Variants in CPNE4 observed in about 807,000 individuals in gnomAD.
The protein encoded by CPNE4 is copine-4.
A neutral mutation model predicts 67.9 loss-of-function variants in CPNE4; 25 were observed. The ratio of observed to expected loss-of-function variants is 0.37; its 90% confidence interval spans 0.27 to 0.51. The LOEUF (loss-of-function observed/expected upper bound fraction) is 0.51, where lower values mean the gene tolerates loss of function less well. CPNE4 is among the 20% of genes least tolerant of loss of function. CPNE4 has a pLI of 0.93. For synonymous variants in CPNE4, 242 were observed against 244.9 expected (o/e 0.99, Z 0.11); for missense variants, 464 against 690.8 (o/e 0.67, Z 3.68).
chr3:131,590,831 C>T (rs1938480485), intron 7 of CPNE4, among the ~76,000 whole-genome samples: 1 of 152,134 alleles, frequency 6.6e-6, no homozygotes, highest in South Asian at 2.1e-4. Context: ...ACAAAGGATA[C>T]AAAATGAAGT....
chr3:131,867,255 T>C (rs2086991215), intron 2 of CPNE4, among the ~76,000 whole-genome samples: 1 of 152,070 alleles, frequency 6.6e-6, no homozygotes, highest in African/African-American at 2.4e-5. Context: ...TCACCCGCTC[T>C]TTGGGGCACA....
intron 2 of CPNE4, among the ~76,000 whole-genome samples, chr3:131,792,661 G>GTGTATATA (rs1560322005): frequency 0.13 from 4,872 of 36,536 alleles, 51 homozygotes; most frequent in East Asian, 0.16. Context: ...ATATACACAC[G>GTGTATATA]TGTATATATA....
At chr3:131,730,804 C>A (rs1452190138) in intron 2 of CPNE4, among the ~76,000 whole-genome samples, 1 of 152,074 alleles carries the variant, frequency 6.6e-6, no homozygotes, top group East Asian at 1.9e-4. Flanking sequence ...TTCCTAGTAA[C>A]CCCAGAGAGA....
chr3:131,563,608 G>A (rs1582804406), intron 11 of CPNE4, among the ~76,000 whole-genome samples: 1 of 151,982 alleles, frequency 6.6e-6, no homozygotes, highest in African/African-American at 2.4e-5. Flanking sequence ...ACATACATGT[G>A]CCACACCCTC....
intron 2 of CPNE4, among the ~76,000 whole-genome samples, chr3:131,838,968 C>G (rs1353168111): frequency 1.3e-5 from 2 of 151,414 alleles, no homozygotes; most frequent in East Asian, 1.9e-4. Context: ...ATAAAAAAAG[C>G]CTTTTAAAAT....
intron 1 of CPNE4, among the ~76,000 whole-genome samples, chr3:131,935,134 T>C (rs2071184894): frequency 6.6e-6 from 1 of 152,190 alleles, no homozygotes; most frequent in Non-Finnish European, 1.5e-5. Context: ...AATGATACCA[T>C]CCTTCCCCCA....
At position 131,584,358 on chromosome 3, in the gene CPNE4, C is replaced by T. The variant is rs373222847; in HGVS notation, c.781-2693G>A. On this transcript the variant is annotated intron_variant, in intron 8 of 15. Coordinates refer to ENST00000429747, the MANE Select transcript of CPNE4 (RefSeq NM_130808.3). ...GAAAACTTCCTCATAAACTGGACCT[C>T]GCTACCACAATTCTTCCTTACCTCA... Among the ~76,000 whole-genome samples, 4 of 152,280 alleles carry T rather than the reference C, an allele frequency of 2.6e-5. No homozygotes were observed. In the East Asian group the frequency reaches 5.8e-4, roughly 22 times the overall value.
intron 2 of CPNE4, among the ~76,000 whole-genome samples, chr3:131,813,520 T>C (rs944851151): frequency 2.0e-5 from 3 of 150,568 alleles, no homozygotes; most frequent in Non-Finnish European, 4.4e-5. Flanking sequence ...TTTTCTATAT[T>C]GTATGTATGT....
intron 1 of CPNE4, among the ~76,000 whole-genome samples, chr3:132,019,103 TTTA>T (rs1298810484): frequency 1.3e-5 from 2 of 151,304 alleles, no homozygotes; most frequent in African/African-American, 2.4e-5. Context: ...AAAGATTTCC[TTTA>T]TTACCTTTCC....
intron 1 of CPNE4, among the ~76,000 whole-genome samples, chr3:131,977,567 C>CAT (rs993180246): frequency 6.6e-5 from 10 of 152,100 alleles, no homozygotes; most frequent in African/African-American, 2.2e-4. Flanking sequence ...CACGCACATA[C>CAT]ATATACACCC....
At chr3:131,736,925 A>T (rs1412547297) in intron 2 of CPNE4, among the ~76,000 whole-genome samples, 1 of 152,100 alleles carries the variant, frequency 6.6e-6, no homozygotes, top group Non-Finnish European at 1.5e-5. Flanking sequence ...ATCTCAACAG[A>T]TCTTCAATTC....
intron 2 of CPNE4, among the ~76,000 whole-genome samples, chr3:131,774,344 A>G (rs1040187081): frequency 5.9e-5 from 9 of 152,172 alleles, no homozygotes; most frequent in Non-Finnish European, 1.2e-4. Context: ...GGTAAGAAAA[A>G]AAAAAAAGGA....
rs149364122 is a variant in CPNE4, at chr3:131,728,284, A to T, written c.181-4659T>A. ...ATTCTTATAACAATATGAGGTAGGT[A>T]CTGTTATTATCCTCTCTTACTGGGA... On this transcript the variant is annotated intron_variant, in intron 2 of 15. Coordinates refer to ENST00000429747, the MANE Select transcript of CPNE4 (RefSeq NM_130808.3). Among the ~76,000 whole-genome samples the T allele has an allele frequency of 5.5e-3, 832 of 152,322 alleles. 6 individuals are homozygous for T. Among genetic ancestry groups the T allele is most frequent in the African/African-American group, 0.019 (796 of 41,572 alleles).
At chr3:131,859,778 C>T (rs1481944298) in intron 2 of CPNE4, among the ~76,000 whole-genome samples, 1 of 152,128 alleles carries the variant, frequency 6.6e-6, no homozygotes, top group Non-Finnish European at 1.5e-5. Context: ...TCTGCTGATA[C>T]CCAAACGTCT....
intron 5 of CPNE4, 88 bp downstream of exon 5, chr3:131,696,454 A>C: frequency 8.0e-7 from 1 of 1,246,150 alleles, no homozygotes; most frequent in Non-Finnish European, 1.2e-6. Context: ...GTGGGTGGAA[A>C]GGGAAAAATA....
At chr3:131,669,809 G>T in intron 6 of CPNE4, 45 bp from the exon 7 acceptor site, 1 of 1,428,216 alleles carries the variant, frequency 7.0e-7, no homozygotes, top group South Asian at 1.2e-5. Context: ...AGAAATGCTT[G>T]ACATTTTCAC....
intron 2 of CPNE4, among the ~76,000 whole-genome samples, chr3:131,785,133 T>C (rs1037195846): frequency 2.6e-5 from 4 of 152,136 alleles, no homozygotes; most frequent in Non-Finnish European, 4.4e-5. Flanking sequence ...TACTGTCCCA[T>C]AGACATGGCT....
At chr3:131,867,628 G>A (rs1037013167) in intron 2 of CPNE4, among the ~76,000 whole-genome samples, 9 of 152,166 alleles carry the variant, frequency 5.9e-5, no homozygotes, top group Non-Finnish European at 2.9e-5. Flanking sequence ...AACTGCCTTT[G>A]ATAGTTTAAT....
chr3:132,017,931 C>A (rs753088656), intron 1 of CPNE4, among the ~76,000 whole-genome samples: 3 of 152,316 alleles, frequency 2.0e-5, no homozygotes, highest in Non-Finnish European at 4.4e-5. Context: ...GCCTCCCTCA[C>A]TGCCAACTCC....
Sources: gnomAD v4.1 joint callset for allele counts (sites outside exome capture counted in the v4.1 genomes callset) on GRCh38, gnomAD v4.1.1 for gene constraint, MANE v1.5 for transcripts, NCBI Gene and HGNC (gene_info 2026-07-23, HGNC 2026-07-21) for gene names.